MACF1: variants seen among roughly 807,000 people sequenced by gnomAD.
MACF1 encodes the protein microtubule-actin cross-linking factor 1.
A neutral mutation model predicts 854.8 loss-of-function variants in MACF1; 193 were observed. The ratio of observed to expected loss-of-function variants is 0.23; its 90% confidence interval spans 0.20 to 0.25. The LOEUF (loss-of-function observed/expected upper bound fraction) is 0.25, where lower values mean the gene tolerates loss of function less well. Ranked by LOEUF, MACF1 falls within the 10% of genes least tolerant of loss-of-function variation. The pLI is 1.00. For synonymous variants in MACF1, 3,185 were observed against 3,226.7 expected (o/e 0.99, Z 0.44); for missense variants, 7,722 against 8,929.1 (o/e 0.86, Z 5.45).
At chr1:39,329,528 G>A (rs1646679880) in intron 36 of MACF1, among the ~76,000 whole-genome samples, 1 of 152,112 alleles carries the variant, frequency 6.6e-6, no homozygotes, top group Admixed American at 6.6e-5. Context: ...CCATTATTTA[G>A]GAGGCAGGGA....
In MACF1 at chr1:39,292,752, TC is replaced by T; in HGVS notation, c.1915-13del. The T allele has an allele frequency of 1.4e-5, 23 of 1,586,514 alleles. No individual in the cohort carries two copies. The highest frequency in any genetic ancestry group is 2.0e-5 in the Non-Finnish European group (23 of 1,159,690). On this transcript the variant is annotated splice_polypyrimidine_tract_variant and intron_variant, in intron 16 of 100. Coordinates refer to ENST00000564288, the MANE Select transcript of MACF1 (RefSeq NM_001394062.1). The stretch of plus-strand genomic sequence containing the variant: ...TTTCTCTAATGTATTTTTATTTCAT[TC>T]TTTTTTAATCAGGGAAAGATGTCCC...
At chr1:39,121,087 T>C (rs1306911806) in intron 2 of MACF1, 1 of 152,250 alleles carries the variant, frequency 6.6e-6, no homozygotes, top group African/African-American at 2.4e-5. Context: ...ATTTGTGTAT[T>C]AACTAATTTC....
chr1:39,181,551 A>G (rs1330357422), intron 2 of MACF1, among the ~76,000 whole-genome samples: 1 of 151,996 alleles, frequency 6.6e-6, no homozygotes, highest in Admixed American at 6.6e-5. Context: ...AGAAATTGGC[A>G]AGCTGCTCCT....
chr1:39,352,405 C>T (rs1569646721), intron 43 of MACF1, among the ~76,000 whole-genome samples: 1 of 152,206 alleles, frequency 6.6e-6, no homozygotes, highest in Non-Finnish European at 1.5e-5. Context: ...TGTGACTGTG[C>T]TATTTCTTAC....
At chr1:39,130,358 A>G (rs1295336689) in intron 2 of MACF1, among the ~76,000 whole-genome samples, 2 of 152,218 alleles carry the variant, frequency 1.3e-5, no homozygotes, top group Non-Finnish European at 2.9e-5. Flanking sequence ...ATACTAAATG[A>G]CCTTTTGTAG....
intron 85 of MACF1, among the ~76,000 whole-genome samples, chr1:39,451,613 T>G (rs1207796906): frequency 6.6e-6 from 1 of 152,130 alleles, no homozygotes; most frequent in African/African-American, 2.4e-5. Context: ...ATATTTAACA[T>G]AATCTCTATC....
At chr1:39,139,266 C>G (rs1448536075) in intron 2 of MACF1, among the ~76,000 whole-genome samples, 2 of 151,024 alleles carry the variant, frequency 1.3e-5, no homozygotes, top group East Asian at 3.9e-4. Context: ...CTTGTTTACC[C>G]TTTACCTTTT....
At chr1:39,171,172 A>G (rs192314212) in intron 2 of MACF1, among the ~76,000 whole-genome samples, 1 of 150,886 alleles carries the variant, frequency 6.6e-6, no homozygotes, top group Non-Finnish European at 1.5e-5. Flanking sequence ...TCTGGTCCAT[A>G]TTTACTTTTA....
chr1:39,458,663 T>TATAC, intron 90 of MACF1, 173 bp downstream of exon 90: 2 of 763,678 alleles, frequency 2.6e-6, no homozygotes, highest in South Asian at 4.4e-5. Context: ...ACAGTAGCTG[T>TATAC]ACTCCATATT....
intron 2 of MACF1, among the ~76,000 whole-genome samples, chr1:39,095,718 C>CA (rs36115430): frequency 0.11 from 16,494 of 143,432 alleles, 951 homozygotes; most frequent in East Asian, 0.15. Flanking sequence ...ACCATCTCCA[C>CA]AAAAAAAAAA....
At chr1:39,124,801 T>C (rs1037282878) in intron 2 of MACF1, among the ~76,000 whole-genome samples, 4 of 152,242 alleles carry the variant, frequency 2.6e-5, no homozygotes, top group Non-Finnish European at 5.9e-5. Flanking sequence ...CCATGTGAAA[T>C]AAATATTATC....
At chr1:39,091,223 TG>T (rs1641793909) in intron 2 of MACF1, among the ~76,000 whole-genome samples, 1 of 152,228 alleles carries the variant, frequency 6.6e-6, no homozygotes, top group Non-Finnish European at 1.5e-5. Context: ...TGGATGTCTC[TG>T]GGATGCCCTC....
chr1:39,479,991 C>A lies in MACF1; in HGVS notation c.22152C>A (p.Thr7384=). 6.3e-7 allele frequency: 1 copy of A among 1,578,250 alleles called. No homozygotes were observed. Among genetic ancestry groups the A allele is most frequent in the Non-Finnish European group, 8.6e-7 (1 of 1,156,664 alleles). Residue 7384 remains threonine (T), a synonymous_variant, in exon 98 of 101, where the codon ACC becomes ACA. Coordinates refer to ENST00000564288, the MANE Select transcript of MACF1 (RefSeq NM_001394062.1). ...CATCCATGCCATCTTCTCCAGCCAC[C>A]CCAGCCAGTGGAACCAAGGTATGTA... ...SCTSMPSSPA[T]PASGTKTSLQ...
At chr1:39,184,126 C>G (rs794641) in intron 2 of MACF1, among the ~76,000 whole-genome samples, 4,439 of 152,222 alleles carry the variant, frequency 0.029, 171 homozygotes, top group African/African-American at 0.088. Context: ...TTTCATGAGC[C>G]CTGGTGTGGG....
chr1:39,408,676 G>A (rs962899597), intron 58 of MACF1, among the ~76,000 whole-genome samples: 2 of 152,164 alleles, frequency 1.3e-5, no homozygotes, highest in South Asian at 2.1e-4. Flanking sequence ...AGGAGGGCGG[G>A]GCTTTCCTTT....
Position 39,358,742 on chromosome 1 carries a change from C to A in MACF1, c.11989C>A (p.His3997Asn), listed in dbSNP as rs758659652. The A allele has an allele frequency of 6.2e-7, 1 of 1,614,096 alleles. No homozygotes were observed. The highest frequency in any genetic ancestry group is 1.7e-5 in the Admixed American group (1 of 59,994). Reference protein sequence around the residue: ...SHLNMLLGQYHQFQNSADSLQ... With the variant: ...SHLNMLLGQYNQFQNSADSLQ... ...CCTGAATATGCTGTTAGGCCAGTAT[C>A]ATCAATTCCAAAACAGTGCTGACAG... The change falls in exon 46 of 101, where the codon CAT (histidine) becomes AAT (asparagine). Residue 3997 changes from histidine to asparagine, a missense_variant. Transcript: ENST00000564288.
chr1:39,404,969 A>G (rs1048827480), intron 58 of MACF1, among the ~76,000 whole-genome samples: 1 of 152,002 alleles, frequency 6.6e-6, no homozygotes, highest in Non-Finnish European at 1.5e-5. Flanking sequence ...AAGCCCCATG[A>G]TTTTGTCATC....
chr1:39,287,618 C>T (rs529957758), intron 15 of MACF1, 56 bp downstream of exon 15: 18 of 1,593,018 alleles, frequency 1.1e-5, no homozygotes, highest in South Asian at 1.1e-4. Flanking sequence ...GATCTGGAAG[C>T]TTATCTAAGA....
chr1:39,348,918 T>C (rs1288591190), intron 41 of MACF1, among the ~76,000 whole-genome samples: 2 of 152,206 alleles, frequency 1.3e-5, no homozygotes, highest in Admixed American at 1.3e-4. Context: ...TAGCCAAATC[T>C]AGCCCTTCAT....
Sources: allele counts gnomAD v4.1 joint callset (sites outside exome capture counted in the v4.1 genomes callset), GRCh38; gene constraint gnomAD v4.1.1; transcripts MANE v1.5; gene names NCBI Gene and HGNC (gene_info 2026-07-23, HGNC 2026-07-21).